Variants in SEMA3C observed in about 807,000 individuals in gnomAD.
SEMA3C encodes semaphorin-3C.
A neutral mutation model predicts 89.4 loss-of-function variants in SEMA3C; 47 were observed. That is an observed-to-expected ratio of 0.53 (90% confidence interval 0.42 to 0.67). The LOEUF is 0.67. Ranked by LOEUF, SEMA3C falls within the 30% of genes least tolerant of loss-of-function variation. The pLI, the probability that SEMA3C is intolerant of heterozygous loss-of-function variation, is 0.00. For synonymous variants in SEMA3C, 310 were observed against 320.2 expected (o/e 0.97, Z 0.34); for missense variants, 839 against 929.1 (o/e 0.90, Z 1.26).
chr7:80,836,371 G>C (rs1336848891), intron 2 of SEMA3C, among the ~76,000 whole-genome samples: 1 of 152,098 alleles, frequency 6.6e-6, no homozygotes, highest in African/African-American at 2.4e-5. Context: ...TATACGCAGG[G>C]AACCCAGCTA....
intron 2 of SEMA3C, among the ~76,000 whole-genome samples, chr7:80,831,909 T>C (rs139486698): frequency 1.2e-3 from 187 of 152,234 alleles, no homozygotes; most frequent in African/African-American, 4.4e-3. Context: ...AGGAGATATA[T>C]TTGGTAGAGA....
chr7:80,860,135 C>T (rs1025316686), intron 2 of SEMA3C, among the ~76,000 whole-genome samples: 18 of 151,866 alleles, frequency 1.2e-4, no homozygotes, highest in Admixed American at 1.1e-3. Flanking sequence ...TGTTTTTATC[C>T]TACTTATTCA....
intron 12 of SEMA3C, among the ~76,000 whole-genome samples, chr7:80,786,086 G>C (rs1228869139): frequency 6.6e-6 from 1 of 152,162 alleles, no homozygotes; most frequent in Non-Finnish European, 1.5e-5. Context: ...TTTCCTATTA[G>C]GATGGGATCC....
intron 4 of SEMA3C, among the ~76,000 whole-genome samples, chr7:80,822,150 A>C (rs1789763880): frequency 6.6e-6 from 1 of 152,206 alleles, no homozygotes; most frequent in Non-Finnish European, 1.5e-5. Context: ...CAGTGGAATG[A>C]ATAGACTCAA....
chr7:80,872,526 G>A lies in SEMA3C; in HGVS notation c.104-43781C>T, dbSNP rs138007541. On this transcript the variant is annotated intron_variant, in intron 2 of 17. Transcript: ENST00000265361. ...ATAGAAGATTGCTGAATTCTCGGCC[G>A]GGCGTGGTGGCTTACGCCTGTAATC... 9.9e-4 allele frequency among the ~76,000 whole-genome samples: 150 copies of A among 152,008 alleles called. 1 individual carries two copies. The highest frequency in any genetic ancestry group is 3.3e-3 in the African/African-American group (137 of 41,484).
In SEMA3C at chr7:80,804,142, C is replaced by T. The variant is rs369076469; in HGVS notation, c.765G>A (p.Thr255=). Residue 255 remains threonine (T), a synonymous_variant, in exon 8 of 18, where the codon ACG becomes ACA. Transcript: ENST00000265361. Reference sequence around the variant, plus strand: ...GAGCAATCATGGAATGAATCTGTTTCGTGCTCCTGTTATTGTCAGTCAGTT... The same window carrying T: ...GAGCAATCATGGAATGAATCTGTTTTGTGCTCCTGTTATTGTCAGTCAGTT... ...KEKLTDNNRS[T]KQIHSMIARI... is the part of the protein sequence containing the mutation. 57 of 1,612,462 alleles carry T rather than the reference C, an allele frequency of 3.5e-5. No homozygotes were observed. The highest frequency in any genetic ancestry group is 4.2e-5 in the Non-Finnish European group (49 of 1,179,062).
At chr7:80,875,041 G>T (rs1346517186) in intron 2 of SEMA3C, among the ~76,000 whole-genome samples, 2 of 151,042 alleles carry the variant, frequency 1.3e-5, no homozygotes, top group Non-Finnish European at 2.9e-5. Flanking sequence ...CAGAGATCAC[G>T]CCACTGTACT....
At chr7:80,918,204 G>C (rs1177054265) in intron 1 of SEMA3C, 2 of 152,088 alleles carry the variant, frequency 1.3e-5, no homozygotes, top group South Asian at 2.1e-4. Flanking sequence ...CATAGTTAAA[G>C]CCAAAAGAAA....
intron 2 of SEMA3C, among the ~76,000 whole-genome samples, chr7:80,885,753 A>C (rs1372361606): frequency 7.3e-6 from 1 of 136,198 alleles, no homozygotes; most frequent in African/African-American, 3.2e-5. Flanking sequence ...ATGTAAATTT[A>C]TATTTAAAAT....
intron 12 of SEMA3C, among the ~76,000 whole-genome samples, chr7:80,778,642 C>G (rs910499433): frequency 1.3e-5 from 2 of 152,196 alleles, no homozygotes; most frequent in African/African-American, 2.4e-5. Flanking sequence ...CATTTACTTG[C>G]ATTGTTAACC....
intron 2 of SEMA3C, among the ~76,000 whole-genome samples, chr7:80,906,455 C>G (rs1424594398): frequency 1.3e-5 from 2 of 152,170 alleles, no homozygotes; most frequent in African/African-American, 2.4e-5. Context: ...CACATTCCAT[C>G]AGCACCTGGG....
Position 80,744,909 on chromosome 7 carries a change from C to G in SEMA3C, c.2241G>C (p.Gln747His), listed in dbSNP as rs748286459. ...NSRKSRNRRN[Q>H]LPES ...TAAGAAAATATTATGACTCTGGCAA[C>G]TGATTCCTCCTGTTTCTACTTTTCC... The change falls in exon 18 of 18, where the codon CAG becomes CAC. Residue 747 changes from glutamine (Q) to histidine (H), a missense_variant. Transcript: ENST00000265361. 2 of 1,613,932 alleles carry G rather than the reference C, an allele frequency of 1.2e-6. No homozygotes were observed. The highest frequency in any genetic ancestry group is 2.7e-5 in the African/African-American group (2 of 74,930).
At chr7:80,863,955 C>T (rs576046814) in intron 2 of SEMA3C, among the ~76,000 whole-genome samples, 3 of 139,666 alleles carry the variant, frequency 2.1e-5, no homozygotes, top group Admixed American at 7.2e-5. Flanking sequence ...ATGTATATCA[C>T]ATGTATATCA....
At chr7:80,747,328 G>C (rs1787824843) in intron 17 of SEMA3C, among the ~76,000 whole-genome samples, 1 of 152,054 alleles carries the variant, frequency 6.6e-6, no homozygotes, top group South Asian at 2.1e-4. Context: ...AATTTATATG[G>C]CAGATATTCA....
At chr7:80,817,985 A>G (rs1486245881) in intron 5 of SEMA3C, among the ~76,000 whole-genome samples, 1 of 151,860 alleles carries the variant, frequency 6.6e-6, no homozygotes, top group Non-Finnish European at 1.5e-5. Flanking sequence ...TTACAGCTTT[A>G]CAAATAAAAT....
At chr7:80,798,059 C>T (rs1789109242) in intron 11 of SEMA3C, 33 bp downstream of exon 11, 2 of 1,575,718 alleles carry the variant, frequency 1.3e-6, no homozygotes, top group Non-Finnish European at 8.6e-7. Flanking sequence ...TTTTATAAAG[C>T]ATCATAACAA....
intron 12 of SEMA3C, among the ~76,000 whole-genome samples, chr7:80,787,459 T>C (rs1788832331): frequency 6.8e-6 from 1 of 147,396 alleles, no homozygotes; most frequent in African/African-American, 2.5e-5. Flanking sequence ...CCCACATTCA[T>C]GGGCAGGAGG....
chr7:80,846,814 A>G (rs1790401658), intron 2 of SEMA3C, among the ~76,000 whole-genome samples: 1 of 152,332 alleles, frequency 6.6e-6, no homozygotes, highest in South Asian at 2.1e-4. Flanking sequence ...ACGTGCATAC[A>G]CTGTATTTCA....
chr7:80,876,669 CATT>C (rs1333414319), intron 2 of SEMA3C, among the ~76,000 whole-genome samples: 2 of 152,198 alleles, frequency 1.3e-5, no homozygotes, highest in Non-Finnish European at 2.9e-5. Context: ...GCTTTCTCAT[CATT>C]AAAATATTTT....
Sources: allele counts gnomAD v4.1 joint callset (sites outside exome capture counted in the v4.1 genomes callset), GRCh38; gene constraint gnomAD v4.1.1; transcripts MANE v1.5; gene names NCBI Gene and HGNC (gene_info 2026-07-23, HGNC 2026-07-21).